The following CCDC181 variants were observed in gnomAD, a reference collection of about 807,000 sequenced individuals.
The protein encoded by CCDC181 is coiled-coil domain containing 181, also known as coiled-coil domain-containing protein 181.
A neutral mutation model predicts 58.7 loss-of-function variants in CCDC181; 35 were observed. The observed-to-expected ratio is 0.60, with a 90% CI of 0.46 to 0.79. The LOEUF (loss-of-function observed/expected upper bound fraction) is 0.79. Ranked by LOEUF, CCDC181 falls within the 30% of genes least tolerant of loss-of-function variation. The probability of loss-of-function intolerance (pLI) is 0.00; values close to 1 mark genes in which losing one functional copy is unlikely to be tolerated. For missense variants in CCDC181, 517 were observed against 583.9 expected, an observed-to-expected ratio of 0.89 and a Z score of 1.18; for synonymous variants, 183 against 197.5, an observed-to-expected ratio of 0.93 and a Z score of 0.62.
chr1:169,445,007 C>T (rs7522565), intron 2 of CCDC181, among the ~76,000 whole-genome samples: 55,141 of 151,934 alleles, frequency 0.36, 11,772 homozygotes, highest in Non-Finnish European at 0.48. Flanking sequence ...CATAATCAGG[C>T]CCCTTCTCAC....
At chr1:169,438,739 A>G (rs1657124136) in intron 2 of CCDC181, among the ~76,000 whole-genome samples, 1 of 152,120 alleles carries the variant, frequency 6.6e-6, no homozygotes, top group African/African-American at 2.4e-5. Flanking sequence ...GCGAATAGCC[A>G]CCCTGAGACA....
intron 4 of CCDC181, among the ~76,000 whole-genome samples, chr1:169,417,530 T>G (rs1656269436): frequency 6.6e-6 from 1 of 152,174 alleles, no homozygotes; most frequent in Non-Finnish European, 1.5e-5. Flanking sequence ...TCCCATACCC[T>G]AGAAGCTCTC....
In CCDC181 at chr1:169,421,621, T is replaced by A; in HGVS notation, c.810A>T (p.Glu270Asp). 1 of 1,614,148 alleles carries A rather than the reference T, an allele frequency of 6.2e-7. No individual in the cohort carries two copies. Among genetic ancestry groups the A allele is most frequent in the African/African-American group, 1.3e-5 (1 of 75,052 alleles). ...SNSSVSGTKK[E>D]DSTAKIHAVT... ...CAGCATGAATCTTTGCTGTAGAATCTTCTTTCTTGGTGCCACTGACAGAGG... is the reference window on the plus strand; with the variant it reads ...CAGCATGAATCTTTGCTGTAGAATCATCTTTCTTGGTGCCACTGACAGAGG... Residue 270 changes from glutamate (E) to aspartate (D), a missense_variant, in exon 3 of 6, where the codon GAA becomes GAT. Physicochemically the swap from Glu to Asp is conservative, Grantham distance 45. Transcript: ENST00000367806.
At position 169,444,592 on chromosome 1, in the gene CCDC181, T is replaced by C. The variant is rs559461163; in HGVS notation, c.-24+15205A>G. ...TTGGTAATAGTTTGACAAACTACACTTCAAAAACCACATGCTTTTAAAAAT... is the reference window on the plus strand; with the variant it reads ...TTGGTAATAGTTTGACAAACTACACCTCAAAAACCACATGCTTTTAAAAAT... On this transcript the variant is annotated intron_variant, in intron 2 of 6. Transcript: ENST00000545005. Among the ~76,000 whole-genome samples, 5 of 152,316 alleles carry C rather than the reference T, an allele frequency of 3.3e-5. No homozygotes were observed. In the East Asian group the frequency reaches 9.6e-4, roughly 29 times the overall value.
At chr1:169,460,072 A>C (rs1657803027) in intron 1 of CCDC181, among the ~76,000 whole-genome samples, 1 of 152,150 alleles carries the variant, frequency 6.6e-6, no homozygotes, top group Non-Finnish European at 1.5e-5. Context: ...GATTCCTCTG[A>C]AAGACTTTTC....
chr1:169,413,557 G>A (rs1047626336), intron 4 of CCDC181, among the ~76,000 whole-genome samples: 3 of 152,094 alleles, frequency 2.0e-5, no homozygotes, highest in Non-Finnish European at 2.9e-5. Flanking sequence ...CTACTATAAA[G>A]ACACATGCAC....
intron 4 of CCDC181, among the ~76,000 whole-genome samples, chr1:169,408,841 A>G (rs954514072): frequency 5.9e-5 from 9 of 152,220 alleles, no homozygotes; most frequent in African/African-American, 2.2e-4. Context: ...AATAGCATCA[A>G]CATCAACAAA....
rs1378233017 is a variant in CCDC181 at position 169,424,897 on chromosome 1, T to C, written c.31A>G (p.Lys11Glu). 1.4e-5 allele frequency: 22 copies of C among 1,601,566 alleles called. No individual in the cohort carries two copies. The highest frequency in any genetic ancestry group is 1.9e-5 in the Non-Finnish European group (22 of 1,169,972). MNENKDTDSK[K>E]SEEYEDDFEK... ...AAGTCATCTTCGTATTCTTCACTTTTCTTTGAATCAGTATCTTTATTTTCA... is the reference window on the plus strand; with the variant it reads ...AAGTCATCTTCGTATTCTTCACTTTCCTTTGAATCAGTATCTTTATTTTCA... Residue 11 changes from lysine (K) to glutamate (E), a missense_variant, in exon 2 of 6, where the codon AAA becomes GAA. Physicochemically the swap from Lys to Glu is moderately conservative, Grantham distance 56. Transcript: ENST00000367806.
Position 169,395,020 on chromosome 1 carries a change from G to T in CCDC181, c.*27C>A, listed in dbSNP as rs202047797. 1 of 1,555,120 alleles carries T rather than the reference G, an allele frequency of 6.4e-7. No individual in the cohort carries two copies. The highest frequency in any genetic ancestry group is 8.7e-7 in the Non-Finnish European group (1 of 1,151,566). Reference sequence around the variant, plus strand: ...CATATCCAAAATTTTGATAGCAGCTGCCCACTGAAATATTTAATAGAAACT... The same window carrying T: ...CATATCCAAAATTTTGATAGCAGCTTCCCACTGAAATATTTAATAGAAACT... On this transcript the variant is annotated 3_prime_UTR_variant, in exon 6 of 6. Coordinates refer to ENST00000367806, the MANE Select transcript of CCDC181 (RefSeq NM_001300969.2).
rs778400483 is a variant in CCDC181 at position 169,422,197 on chromosome 1, T to C, written c.234A>G (p.Pro78=). Reference sequence around the variant, plus strand: ...GTACAGAAATGATGTCATTTCTTCTTGGTGAGACCTCATCCTGCAAAGATT... The same window carrying C: ...GTACAGAAATGATGTCATTTCTTCTCGGTGAGACCTCATCCTGCAAAGATT... ...PDKSLQDEVS[P]RRNDIISVPG... Residue 78 remains proline (P), a synonymous_variant, in exon 3 of 6, where the codon CCA becomes CCG. Transcript: ENST00000367806. The C allele has an allele frequency of 4.3e-6, 7 of 1,613,848 alleles. No homozygotes were observed. Among genetic ancestry groups the C allele is most frequent in the East Asian group, 2.2e-5 (1 of 44,864 alleles).
In CCDC181 at chr1:169,417,284, C is replaced by T. The variant is rs112002253; in HGVS notation, c.1215+1729G>A. Among the ~76,000 whole-genome samples, 918 of 152,326 alleles carry T rather than the reference C, an allele frequency of 6.0e-3. 3 individuals carry two copies. The highest frequency in any genetic ancestry group is 9.0e-3 in the Non-Finnish European group (613 of 68,032). On this transcript the variant is annotated intron_variant, in intron 4 of 5. Transcript: ENST00000367806. The stretch of plus-strand genomic sequence containing the variant: ...AAAGCCTAGATTGTGACCAGAGCTT[C>T]TGTCTGACCAGCTATATATTGCCAG...
intron 4 of CCDC181, among the ~76,000 whole-genome samples, chr1:169,400,210 T>C (rs1655260593): frequency 6.6e-6 from 1 of 152,208 alleles, no homozygotes; most frequent in Non-Finnish European, 1.5e-5. Context: ...AAAAAGGCCA[T>C]GCTTTGGAAA....
intron 4 of CCDC181, among the ~76,000 whole-genome samples, chr1:169,399,167 A>T (rs1655209260): frequency 6.6e-6 from 1 of 152,160 alleles, no homozygotes. Context: ...GACACAGTTT[A>T]TTCACCATTT....
intron 2 of CCDC181, among the ~76,000 whole-genome samples, chr1:169,432,651 A>G (rs1403977766): frequency 6.6e-6 from 1 of 152,148 alleles, no homozygotes; most frequent in Non-Finnish European, 1.5e-5. Context: ...AAGATACTGC[A>G]CCATGGCCAA....
chr1:169,410,762 G>A (rs1401816185), intron 4 of CCDC181, among the ~76,000 whole-genome samples: 1 of 152,154 alleles, frequency 6.6e-6, no homozygotes, highest in Non-Finnish European at 1.5e-5. Context: ...CAACTACATG[G>A]AAACTGAACA....
At chr1:169,445,789 A>G (rs1434835791) in intron 2 of CCDC181, among the ~76,000 whole-genome samples, 1 of 152,166 alleles carries the variant, frequency 6.6e-6, no homozygotes, top group African/African-American at 2.4e-5. Context: ...AAGGTTATTA[A>G]TTAGTGACAC....
At chr1:169,456,342 G>A (rs17577345) in intron 2 of CCDC181, among the ~76,000 whole-genome samples, 6,723 of 152,206 alleles carry the variant, frequency 0.044, 201 homozygotes, top group South Asian at 0.11. Context: ...CATTGTTGCT[G>A]TATCTAAGTA....
intron 2 of CCDC181, among the ~76,000 whole-genome samples, chr1:169,433,752 C>G (rs565516962): frequency 7.2e-5 from 11 of 152,074 alleles, no homozygotes; most frequent in African/African-American, 2.6e-4. Context: ...AGGTTGGACC[C>G]TTACCTCGCA....
Position 169,422,129 on chromosome 1 carries a change from T to G in CCDC181, c.302A>C (p.Glu101Ala), listed in dbSNP as rs199748165. The part of the protein sequence containing the change: ...PLDPISDSDS[E>A]NSFQESKLES... The stretch of plus-strand genomic sequence containing the variant: ...TAGTTTGGATTCCTGGAAAGAGTTT[T>G]CACTATCTGAATCTGATATGGGATC... The change falls in exon 3 of 6, where the codon GAA (glutamate) becomes GCA (alanine). Residue 101 changes from glutamate to alanine, a missense_variant. Physicochemically the swap from Glu to Ala is moderately radical, Grantham distance 107. Coordinates refer to ENST00000367806, the MANE Select transcript of CCDC181 (RefSeq NM_001300969.2). 33 of 1,613,600 alleles carry G rather than the reference T, an allele frequency of 2.0e-5. No homozygotes were observed. Among genetic ancestry groups the G allele is most frequent in the Middle Eastern group, 3.3e-4 (2 of 6,060 alleles).
Sources: allele counts gnomAD v4.1 joint callset (sites outside exome capture counted in the v4.1 genomes callset), GRCh38; gene constraint gnomAD v4.1.1; transcripts MANE v1.5; gene names NCBI Gene and HGNC (gene_info 2026-07-23, HGNC 2026-07-21).